RUNX1: variants seen among roughly 807,000 people sequenced by gnomAD.
RUNX1 encodes RUNX family transcription factor 1.
A neutral mutation model predicts 42.8 loss-of-function variants in RUNX1; 19 were observed. That is an observed-to-expected ratio of 0.44 (90% CI 0.31 to 0.65). RUNX1 has a LOEUF of 0.65. Ranked by LOEUF, RUNX1 falls within the 30% of genes least tolerant of loss-of-function variation. The pLI is 0.07. For missense variants in RUNX1, 528 were observed against 672.0 expected (o/e 0.79, Z 2.37); for synonymous variants, 271 against 289.4 (o/e 0.94, Z 0.64).
At chr21:34,876,044 G>C (rs187792377) in intron 5 of RUNX1, among the ~76,000 whole-genome samples, 2 of 152,298 alleles carry the variant, frequency 1.3e-5, no homozygotes, top group African/African-American at 2.4e-5. Flanking sequence ...TTTGAAAGTG[G>C]GCAAGATTAA....
At chr21:34,880,775 A>G in intron 4 of RUNX1, 62 bp from the exon 5 acceptor site, 1 of 1,512,108 alleles carries the variant, frequency 6.6e-7, no homozygotes, top group Middle Eastern at 1.7e-4. Context: ...CTTTTAGGGC[A>G]TTTGTGTAGT....
At chr21:34,889,755 G>A (rs1452409082) in intron 3 of RUNX1, 3 of 1,160,154 alleles carry the variant, frequency 2.6e-6, no homozygotes, top group African/African-American at 1.6e-5. Flanking sequence ...GAGCTCGGAG[G>A]GCCCCGCCCC....
intron 7 of RUNX1, among the ~76,000 whole-genome samples, chr21:34,808,626 GTTAA>G (rs976617121): frequency 2.0e-5 from 3 of 152,206 alleles, no homozygotes; most frequent in African/African-American, 4.8e-5. Context: ...AGGTGTGAGA[GTTAA>G]TTAATGTTTG....
At chr21:34,799,257 C>A (rs2145906421) in intron 8 of RUNX1, 44 bp downstream of exon 8, 1 of 1,610,294 alleles carries the variant, frequency 6.2e-7, no homozygotes, top group Non-Finnish European at 8.5e-7. Context: ...CCTGGACCTT[C>A]CACCCCAGCT....
intron 2 of RUNX1, among the ~76,000 whole-genome samples, chr21:35,014,263 A>G (rs2059144442): frequency 6.6e-6 from 1 of 152,220 alleles, no homozygotes; most frequent in Admixed American, 6.5e-5. Context: ...CTAAGGGTCC[A>G]GTTTTCATGT....
intron 2 of RUNX1, among the ~76,000 whole-genome samples, chr21:34,954,352 C>T (rs934218115): frequency 6.6e-6 from 1 of 152,084 alleles, no homozygotes; most frequent in Non-Finnish European, 1.5e-5. Context: ...CTGGGATATC[C>T]CTTCTGACTC....
At chr21:34,912,349 C>G (rs1270425643) in intron 2 of RUNX1, among the ~76,000 whole-genome samples, 1 of 151,626 alleles carries the variant, frequency 6.6e-6, no homozygotes, top group African/African-American at 2.4e-5. Context: ...TCTCCATCAC[C>G]CGTCCTCTCT....
chr21:35,010,677 A>G (rs2059120189), intron 2 of RUNX1, among the ~76,000 whole-genome samples: 1 of 152,072 alleles, frequency 6.6e-6, no homozygotes, highest in African/African-American at 2.4e-5. Context: ...CTACACAGGA[A>G]ACTACCCCAG....
At position 34,865,483 on chromosome 21, in the gene RUNX1, G is replaced by T. The variant is rs938223618; in HGVS notation, c.509-5905C>A. ...AGGCCAGTGCTCCTCACTGCAACAT[G>T]TGTTGTCTCCCTCGACGCCAGTGTG... On this transcript the variant is annotated intron_variant, in intron 5 of 8. Coordinates refer to ENST00000675419, the MANE Select transcript of RUNX1 (RefSeq NM_001754.5). 3.9e-5 allele frequency among the ~76,000 whole-genome samples: 6 copies of T among 152,198 alleles called. No individual in the cohort carries two copies. In the South Asian group the frequency reaches 1.2e-3, roughly 31 times the overall value.
In RUNX1 at chr21:35,026,449, A is replaced by C. The variant is rs564014771; in HGVS notation, c.58+22393T>G. ...AGAAGAAAAGCAATCTGGATATTGC[A>C]CTTTGGGGTCCCTTTTCATTTTGGC... is the stretch of plus-strand genomic sequence containing the variant. On this transcript the variant is annotated intron_variant, in intron 2 of 8. Coordinates refer to ENST00000675419, the MANE Select transcript of RUNX1 (RefSeq NM_001754.5). Among the ~76,000 whole-genome samples the C allele has an allele frequency of 9.8e-5, 15 of 152,360 alleles. 1 individual carries two copies. The South Asian group carries it at 2.3e-3, about 23-fold the overall frequency.
chr21:34,936,353 T>C (rs2058485631), intron 2 of RUNX1, among the ~76,000 whole-genome samples: 1 of 152,154 alleles, frequency 6.6e-6, no homozygotes, highest in African/African-American at 2.4e-5. Flanking sequence ...TTAGCTTTTA[T>C]AGAAGAAAGA....
At chr21:34,817,413 C>A (rs1217336868) in intron 7 of RUNX1, among the ~76,000 whole-genome samples, 1 of 152,192 alleles carries the variant, frequency 6.6e-6, no homozygotes, top group African/African-American at 2.4e-5. Flanking sequence ...AAATAAACAG[C>A]ATATGGATTT....
At position 34,919,928 on chromosome 21, in the gene RUNX1, G is replaced by C. The variant is rs534723319; in HGVS notation, c.59-26965C>G. On this transcript the variant is annotated intron_variant, in intron 2 of 8. Coordinates refer to ENST00000675419, the MANE Select transcript of RUNX1 (RefSeq NM_001754.5). Reference sequence around the variant, plus strand: ...GTTTAAGCATTCCTTCCTTCCTCACGGTAATTGAGCAGATGTTCTTGCCAG... The same window carrying C: ...GTTTAAGCATTCCTTCCTTCCTCACCGTAATTGAGCAGATGTTCTTGCCAG... Among the ~76,000 whole-genome samples the C allele has an allele frequency of 5.3e-5, 8 of 152,240 alleles. 1 individual carries two copies. Among genetic ancestry groups the C allele is most frequent in the East Asian group, 1.9e-4 (1 of 5,176 alleles).
intron 2 of RUNX1, among the ~76,000 whole-genome samples, chr21:34,998,379 C>T (rs1440052641): frequency 6.6e-6 from 1 of 152,064 alleles, no homozygotes; most frequent in African/African-American, 2.4e-5. Context: ...ATAACAGCGA[C>T]AGTTCCTGGC....
At chr21:35,024,592 C>A (rs1437008830) in intron 2 of RUNX1, among the ~76,000 whole-genome samples, 1 of 152,226 alleles carries the variant, frequency 6.6e-6, no homozygotes, top group African/African-American at 2.4e-5. Flanking sequence ...CTTTTAACTT[C>A]TCAGAAAGTG....
At chr21:34,812,986 T>A (rs893156973) in intron 7 of RUNX1, among the ~76,000 whole-genome samples, 5 of 152,212 alleles carry the variant, frequency 3.3e-5, no homozygotes, top group African/African-American at 1.2e-4. Flanking sequence ...CTACCAAGTT[T>A]AGATAGCTAA....
At chr21:35,032,980 A>C (rs913620726) in intron 2 of RUNX1, among the ~76,000 whole-genome samples, 3 of 151,998 alleles carry the variant, frequency 2.0e-5, no homozygotes, top group African/African-American at 7.3e-5. Flanking sequence ...CTATCCATCC[A>C]TCTATCCATC....
chr21:34,803,628 G>A (rs181572789), intron 7 of RUNX1, among the ~76,000 whole-genome samples: 2 of 152,186 alleles, frequency 1.3e-5, no homozygotes, highest in Admixed American at 1.3e-4. Context: ...GGTTTTCCAG[G>A]CTAAATGATG....
intron 2 of RUNX1, among the ~76,000 whole-genome samples, chr21:35,024,443 C>T (rs2059221465): frequency 6.6e-6 from 1 of 152,220 alleles, no homozygotes; most frequent in African/African-American, 2.4e-5. Context: ...TCATAGCAAC[C>T]TAACCAATAC....
Sources: gnomAD v4.1 joint callset for allele counts (sites outside exome capture counted in the v4.1 genomes callset) on GRCh38, gnomAD v4.1.1 for gene constraint, MANE v1.5 for transcripts, NCBI Gene and HGNC (gene_info 2026-07-23, HGNC 2026-07-21) for gene names.